RASSF6: variants seen among roughly 807,000 people sequenced by gnomAD.
RASSF6 encodes the protein Ras association domain family member 6.
Under a neutral mutation model 44.0 loss-of-function variants are expected in RASSF6, and 52 were observed. The observed-to-expected ratio is 1.18, with a 90% CI of 0.95 to 1.49. RASSF6 has a LOEUF of 1.49. RASSF6 is among the 40% of genes most tolerant of loss of function. The probability of loss-of-function intolerance (pLI) is 0.00; values close to 1 mark genes in which losing one functional copy is unlikely to be tolerated. For synonymous variants in RASSF6, 162 were observed against 124.6 expected, an observed-to-expected ratio of 1.30 and a Z score of -2.00; for missense variants, 464 against 393.3, an observed-to-expected ratio of 1.18 and a Z score of -1.52.
intron 4 of RASSF6, among the ~76,000 whole-genome samples, chr4:73,592,695 A>G (rs976297396): frequency 2.6e-5 from 4 of 152,220 alleles, no homozygotes; most frequent in Non-Finnish European, 4.4e-5. Context: ...GGACAATCAG[A>G]TGGAACATCA....
chr4:73,578,130 A>AT (rs1005447218), intron 8 of RASSF6, among the ~76,000 whole-genome samples: 31 of 152,120 alleles, frequency 2.0e-4, no homozygotes, highest in African/African-American at 7.2e-4. Context: ...AAAGAACTAC[A>AT]TTTTTTATAA....
chr4:73,597,661 C>A (rs1363898186), intron 3 of RASSF6, among the ~76,000 whole-genome samples: 3 of 152,140 alleles, frequency 2.0e-5, no homozygotes, highest in African/African-American at 4.8e-5. Context: ...ATTATAAAGA[C>A]ATATTCACAC....
rs980449774 is a variant in RASSF6, at chr4:73,582,187, A to G, written c.669+2T>C. On this transcript the variant is annotated splice_donor_variant, in intron 7 of 10. Transcript: ENST00000307439. LOFTEE classifies it high-confidence loss of function. ...ATAGCTCAGTTAAGTGATAAAGGTTACCTTAAATTTTTGGAGAAGTTGCTT... is the reference window on the plus strand; with the variant it reads ...ATAGCTCAGTTAAGTGATAAAGGTTGCCTTAAATTTTTGGAGAAGTTGCTT... 4 of 1,405,478 alleles carry G rather than the reference A, an allele frequency of 2.8e-6. No homozygotes were observed. In the African/African-American group the frequency reaches 4.3e-5, roughly 15 times the overall value. The allele number at this position is 1,405,478 out of a possible 1,614,324, so 87.1% of individuals were successfully genotyped here.
chr4:73,605,981 C>G (rs555024031), intron 2 of RASSF6, among the ~76,000 whole-genome samples: 5 of 152,246 alleles, frequency 3.3e-5, no homozygotes, highest in East Asian at 1.9e-4. Flanking sequence ...GTAAATTAGT[C>G]TAGTCACTGT....
At chr4:73,596,796 T>C (rs562791337) in intron 3 of RASSF6, among the ~76,000 whole-genome samples, 2 of 151,728 alleles carry the variant, frequency 1.3e-5, no homozygotes, top group Non-Finnish European at 2.9e-5. Context: ...TGGAACAGAG[T>C]AGAGAACCCA....
rs1291326771 is a variant in RASSF6 at position 73,576,434 on chromosome 4, C to G, written c.914G>C (p.Arg305Thr). The change falls in exon 10 of 11, where the codon AGA becomes ACA. Residue 305 changes from arginine (R) to threonine (T), a missense_variant. Arg to Thr is a moderately conservative substitution (Grantham distance 71). Coordinates refer to ENST00000307439, the MANE Select transcript of RASSF6 (RefSeq NM_177532.5). ...CTTTGTTACTATTCTTTGAATCTCT[C>G]TTTTCTCTTCTTCATTTAATCTTTG... ...ILQRLNEEEK[R>T]EIQRIVTKFN... 3 of 1,577,170 alleles carry G rather than the reference C, an allele frequency of 1.9e-6. No individual in the cohort carries two copies. In the African/African-American group the frequency reaches 4.1e-5, roughly 21 times the overall value.
At chr4:73,619,142 C>CAA (rs1726548240) in intron 1 of RASSF6, among the ~76,000 whole-genome samples, 1 of 152,166 alleles carries the variant, frequency 6.6e-6, no homozygotes, top group African/African-American at 2.4e-5. Flanking sequence ...AAGCAGTCTC[C>CAA]TTTATAAAAC....
At chr4:73,580,108 T>C (rs1723513493) in intron 8 of RASSF6, among the ~76,000 whole-genome samples, 1 of 147,008 alleles carries the variant, frequency 6.8e-6, no homozygotes, top group African/African-American at 2.5e-5. Flanking sequence ...CACCTATGAG[T>C]GAGAATATGC....
At chr4:73,602,725 T>C (rs1378410860) in intron 2 of RASSF6, among the ~76,000 whole-genome samples, 1 of 152,198 alleles carries the variant, frequency 6.6e-6, no homozygotes, top group Admixed American at 6.5e-5. Context: ...AAATGGGTGA[T>C]AAGAAATGGA....
chr4:73,610,251 T>C (rs1725916731), intron 2 of RASSF6, among the ~76,000 whole-genome samples: 1 of 152,210 alleles, frequency 6.6e-6, no homozygotes, highest in Non-Finnish European at 1.5e-5. Context: ...GTCTTCAAAC[T>C]ATATCCAGAA....
chr4:73,594,483 G>A (rs1055709820), intron 3 of RASSF6, among the ~76,000 whole-genome samples: 2 of 152,186 alleles, frequency 1.3e-5, no homozygotes, highest in African/African-American at 4.8e-5. Flanking sequence ...CCACTTCCTA[G>A]TTGTGGCCTT....
Position 73,576,190 on chromosome 4 carries a change from ATC to A in RASSF6, c.*43_*44del. The A allele has an allele frequency of 9.4e-7, 1 of 1,059,718 alleles. No individual in the cohort carries two copies. Among genetic ancestry groups the A allele is most frequent in the Non-Finnish European group, 1.4e-6 (1 of 704,480 alleles). 65.6% of individuals were successfully genotyped at this position (1,059,718 alleles called of 1,614,324 possible). On this transcript the variant is annotated 3_prime_UTR_variant, in exon 11 of 11. Coordinates refer to ENST00000307439, the MANE Select transcript of RASSF6 (RefSeq NM_177532.5). ...ACTTATGCATTCATCAAAGAGTAAT[ATC>A]TCTGAGTTTTTTGAAATGTTTTAGC...
chr4:73,579,676 A>C (rs1723475200), intron 8 of RASSF6, among the ~76,000 whole-genome samples: 1 of 151,880 alleles, frequency 6.6e-6, no homozygotes, highest in African/African-American at 2.4e-5. Context: ...TTGGTATTAT[A>C]GTTATTAATC....
rs907245090 is a variant in RASSF6, at chr4:73,571,862, G to T, written c.*4373C>A. ...AAATATTTGGACCACCTAAAACAAG[G>T]ATAAATTATTCTGTGACAAGTTTAT... On this transcript the variant is annotated 3_prime_UTR_variant, in exon 11 of 11. Coordinates refer to ENST00000307439, the MANE Select transcript of RASSF6 (RefSeq NM_177532.5). The T allele has an allele frequency of 9.2e-5, 14 of 151,940 alleles. No homozygotes were observed. The highest frequency in any genetic ancestry group is 3.4e-4 in the African/African-American group (14 of 41,382). The allele number at this position is 151,940 out of a possible 1,614,324, so 9.4% of individuals were successfully genotyped here.
Position 73,587,824 on chromosome 4 carries a change from A to T in RASSF6, c.382+16T>A. ...TAAAAATTAAGTCTCCCAATCAATA[A>T]GATTTTGATACTGACCTTCCTGGGA... is the stretch of plus-strand genomic sequence containing the variant. On this transcript the variant is annotated intron_variant, in intron 5 of 10. Transcript: ENST00000307439. 1 of 1,539,368 alleles carries T rather than the reference A, an allele frequency of 6.5e-7. No individual in the cohort carries two copies. Among genetic ancestry groups the T allele is most frequent in the South Asian group, 1.1e-5 (1 of 88,904 alleles).
At chr4:73,583,757 G>A (rs893258039) in intron 6 of RASSF6, among the ~76,000 whole-genome samples, 1 of 133,116 alleles carries the variant, frequency 7.5e-6, no homozygotes, top group African/African-American at 2.8e-5. Context: ...AATGTAGACC[G>A]AGTTCTTTTG....
At chr4:73,615,776 G>T in intron 1 of RASSF6, 1 of 809,392 alleles carries the variant, frequency 1.2e-6, no homozygotes, top group Non-Finnish European at 2.1e-6. Flanking sequence ...AATGAGATCT[G>T]GATGGAGCCT....
At chr4:73,582,371 A>G (rs2149367303) in intron 6 of RASSF6, 81 bp from the exon 7 acceptor site, 1 of 594,332 alleles carries the variant, frequency 1.7e-6, no homozygotes, top group Non-Finnish European at 2.8e-6. Flanking sequence ...ATCTTCTTAT[A>G]GGGCAAAAAA....
chr4:73,611,594 A>G, intron 2 of RASSF6, 137 bp downstream of exon 2: 1 of 487,058 alleles, frequency 2.1e-6, no homozygotes, highest in South Asian at 4.4e-5. Flanking sequence ...TACTTTTCCA[A>G]CTTCTTATCT....
Sources: gnomAD v4.1 joint callset for allele counts (sites outside exome capture counted in the v4.1 genomes callset) on GRCh38, gnomAD v4.1.1 for gene constraint, MANE v1.5 for transcripts, NCBI Gene and HGNC (gene_info 2026-07-23, HGNC 2026-07-21) for gene names.